ENOX1: variants seen among roughly 807,000 people sequenced by gnomAD.
The protein encoded by ENOX1 is ecto-NOX disulfide-thiol exchanger 1.
In ENOX1, 42 loss-of-function variants were observed where a neutral mutation model predicts 82.5. That is an observed-to-expected ratio of 0.51 (90% CI 0.40 to 0.66). The LOEUF (loss-of-function observed/expected upper bound fraction) is 0.66. Among genes scored for constraint, ENOX1 ranks in the 30% least tolerant of loss-of-function variants. The pLI is 0.00. For synonymous variants in ENOX1, 271 were observed against 282.2 expected (o/e 0.96, Z 0.40); for missense variants, 608 against 811.6 (o/e 0.75, Z 3.05).
At chr13:43,611,006 T>A (rs1184653990) in intron 2 of ENOX1, among the ~76,000 whole-genome samples, 3 of 152,186 alleles carry the variant, frequency 2.0e-5, no homozygotes, top group African/African-American at 7.2e-5. Flanking sequence ...ATGCCAATAA[T>A]TTTTTGTTAT....
Position 43,622,506 on chromosome 13 carries a change from T to G in ENOX1, c.-219+44973A>C, listed in dbSNP as rs911808285. On this transcript the variant is annotated intron_variant, in intron 2 of 16. Transcript: ENST00000690772. ...TTCCTGTGAGCCAAACTGCAGTAAC[T>G]GTTGTCTGTCTTCTGAGTCTAGCCA... Among the ~76,000 whole-genome samples, 3 of 152,166 alleles carry G rather than the reference T, an allele frequency of 2.0e-5. No individual in the cohort carries two copies. In the South Asian group the frequency reaches 6.2e-4, roughly 31 times the overall value.
chr13:43,475,357 C>T (rs1411619270), intron 3 of ENOX1, among the ~76,000 whole-genome samples: 5 of 152,070 alleles, frequency 3.3e-5, no homozygotes, highest in Non-Finnish European at 7.4e-5. Context: ...GCCAACATTT[C>T]TGATAGGAAC....
In ENOX1 at chr13:43,470,269, TAC is replaced by T. The variant is rs1261452005; in HGVS notation, c.-75+13738_-75+13739del. 5.0e-3 allele frequency among the ~76,000 whole-genome samples: 219 copies of T among 43,744 alleles called. 23 individuals are homozygous for T. The highest frequency in any genetic ancestry group is 0.024 in the Middle Eastern group (2 of 84). The allele number at this position is 43,744 out of a possible 152,430, so 28.7% of individuals were successfully genotyped here. The stretch of plus-strand genomic sequence containing the variant: ...ATATACATATATATATACATATATA[TAC>T]ACATATATATACATATATATATACA... On this transcript the variant is annotated intron_variant, in intron 3 of 16. Transcript: ENST00000690772.
At chr13:43,622,951 G>T (rs1364958744) in intron 2 of ENOX1, among the ~76,000 whole-genome samples, 4 of 152,118 alleles carry the variant, frequency 2.6e-5, no homozygotes, top group Non-Finnish European at 4.4e-5. Context: ...TTCAGGGATG[G>T]GGGTGAGACT....
At chr13:43,651,262 G>A (rs1168442062) in intron 2 of ENOX1, among the ~76,000 whole-genome samples, 2 of 152,136 alleles carry the variant, frequency 1.3e-5, no homozygotes, top group Non-Finnish European at 2.9e-5. Flanking sequence ...AAGGAAGAGG[G>A]GGAGGGAAGG....
At chr13:43,519,189 A>G (rs4942235) in intron 2 of ENOX1, among the ~76,000 whole-genome samples, 52,887 of 151,912 alleles carry the variant, frequency 0.35, 10,904 homozygotes, top group East Asian at 0.81. Context: ...GTATTGTCAG[A>G]CCAACTGAGA....
intron 2 of ENOX1, among the ~76,000 whole-genome samples, chr13:43,590,508 C>T (rs934201672): frequency 2.0e-5 from 3 of 152,104 alleles, no homozygotes; most frequent in South Asian, 2.1e-4. Context: ...GGTGTGGTGG[C>T]TCACGCCTGT....
intron 2 of ENOX1, among the ~76,000 whole-genome samples, chr13:43,510,985 T>A (rs1376321780): frequency 2.6e-5 from 4 of 152,128 alleles, no homozygotes; most frequent in African/African-American, 9.7e-5. Context: ...TGCGAACTTT[T>A]TCTACTAATG....
In ENOX1 at chr13:43,496,617, A is replaced by G. The variant is rs1192929282; in HGVS notation, c.-218-12465T>C. ...GGCTGGTCTTAGACTCCTAGGCTCA[A>G]GCAGTTCTCCCACCTCGGCCTCCCA... On this transcript the variant is annotated intron_variant, in intron 2 of 16. Transcript: ENST00000690772. Among the ~76,000 whole-genome samples, 4 of 152,136 alleles carry G rather than the reference A, an allele frequency of 2.6e-5. No individual in the cohort carries two copies. In the East Asian group the frequency reaches 7.7e-4, roughly 29 times the overall value.
In ENOX1 at chr13:43,583,301, G is replaced by A. The variant is rs145549874; in HGVS notation, c.-219+84178C>T. Among the ~76,000 whole-genome samples the A allele has an allele frequency of 3.5e-3, 533 of 152,234 alleles. 4 individuals carry two copies. Among genetic ancestry groups the A allele is most frequent in the African/African-American group, 0.012 (483 of 41,534 alleles). ...AACAGCAATTAAAGTAATACATCAT[G>A]ACTGAGTGAAATTTATTTTATTCAG... On this transcript the variant is annotated intron_variant, in intron 2 of 16. Transcript: ENST00000690772.
intron 11 of ENOX1, among the ~76,000 whole-genome samples, chr13:43,314,501 G>C (rs994124371): frequency 1.3e-5 from 2 of 152,296 alleles, no homozygotes; most frequent in Non-Finnish European, 1.5e-5. Flanking sequence ...AACAGTGTTA[G>C]GAGTCAAGGT....
intron 16 of ENOX1, among the ~76,000 whole-genome samples, chr13:43,218,741 T>TTATGATTTTC (rs2041624301): frequency 6.6e-6 from 1 of 152,200 alleles, no homozygotes; most frequent in Non-Finnish European, 1.5e-5. Flanking sequence ...TAAGTTAGTT[T>TTATGATTTTC]TATGATTTTC....
At chr13:43,303,656 T>C (rs1190589479) in intron 11 of ENOX1, among the ~76,000 whole-genome samples, 1 of 152,152 alleles carries the variant, frequency 6.6e-6, no homozygotes, top group Non-Finnish European at 1.5e-5. Context: ...CCTTGGACTG[T>C]TGTGTGCCCA....
intron 8 of ENOX1, 81 bp downstream of exon 8, chr13:43,355,838 G>A: frequency 4.5e-6 from 6 of 1,342,148 alleles, no homozygotes; most frequent in Middle Eastern, 2.2e-4. Context: ...AAGGGACAAT[G>A]GTGGACGCAG....
At chr13:43,568,269 T>C (rs180752344) in intron 2 of ENOX1, among the ~76,000 whole-genome samples, 1 of 152,292 alleles carries the variant, frequency 6.6e-6, no homozygotes, top group East Asian at 1.9e-4. Flanking sequence ...CCCTTCCTCT[T>C]GCATGAAACC....
chr13:43,754,143 CAT>C (rs1373225043), intron 1 of ENOX1, among the ~76,000 whole-genome samples: 9 of 97,070 alleles, frequency 9.3e-5, no homozygotes, highest in African/African-American at 1.3e-4. Context: ...CGTATATACA[CAT>C]ATATACATAT....
intron 4 of ENOX1, 36 bp from the exon 5 acceptor site, chr13:43,412,089 A>T: frequency 6.2e-7 from 1 of 1,600,688 alleles, no homozygotes; most frequent in Non-Finnish European, 8.6e-7. Flanking sequence ...TAGAGTCCAT[A>T]GGCAAGGGTG....
intron 14 of ENOX1, among the ~76,000 whole-genome samples, chr13:43,251,928 T>C (rs2043478475): frequency 6.6e-6 from 1 of 152,194 alleles, no homozygotes; most frequent in Non-Finnish European, 1.5e-5. Context: ...ACTTATATGT[T>C]ATGCATATAT....
At chr13:43,463,630 C>T (rs376433262) in intron 3 of ENOX1, among the ~76,000 whole-genome samples, 3 of 152,230 alleles carry the variant, frequency 2.0e-5, no homozygotes, top group Admixed American at 6.5e-5. Flanking sequence ...CTGTAAAGTA[C>T]GCACCATGTG....
Sources: gnomAD v4.1 joint callset for allele counts (sites outside exome capture counted in the v4.1 genomes callset) on GRCh38, gnomAD v4.1.1 for gene constraint, MANE v1.5 for transcripts, NCBI Gene and HGNC (gene_info 2026-07-23, HGNC 2026-07-21) for gene names.